TGFBR3: variants seen among roughly 807,000 people sequenced by gnomAD.
TGFBR3 encodes the protein transforming growth factor beta receptor type 3.
TGFBR3 carries 46 observed loss-of-function variants against 87.9 expected under a neutral mutation model. The ratio of observed to expected loss-of-function variants is 0.52; its 90% CI spans 0.41 to 0.67. The LOEUF (loss-of-function observed/expected upper bound fraction) is 0.67. Ranked by LOEUF, TGFBR3 falls within the 30% of genes least tolerant of loss-of-function variation. The pLI is 0.00. For missense variants in TGFBR3, 866 were observed against 1,041.9 expected (o/e 0.83, Z 2.32); for synonymous variants, 381 against 391.6 (o/e 0.97, Z 0.32).
intron 16 of TGFBR3, among the ~76,000 whole-genome samples, chr1:91,688,060 A>T (rs1671148602): frequency 6.6e-6 from 1 of 152,088 alleles, no homozygotes; most frequent in Admixed American, 6.5e-5. Context: ...ATCATTTTCA[A>T]ATTTCATTCC....
intron 3 of TGFBR3, among the ~76,000 whole-genome samples, chr1:91,775,137 T>C (rs767695138): frequency 2.4e-4 from 36 of 152,204 alleles, no homozygotes; most frequent in Non-Finnish European, 3.8e-4. Flanking sequence ...CCCTTGCCAG[T>C]GGAACTATTC....
Position 91,715,093 on chromosome 1 carries a change from C to G in TGFBR3, c.1866+1143G>C, listed in dbSNP as rs115763482. On this transcript the variant is annotated intron_variant, in intron 12 of 16. Coordinates refer to ENST00000212355, the MANE Select transcript of TGFBR3 (RefSeq NM_003243.5). ...TCCCACTATGAAGCTGAGCTTGCAG[C>G]TGAGCACCAAAACCAGCTCATTAGA... 3.1e-3 allele frequency among the ~76,000 whole-genome samples: 465 copies of G among 152,292 alleles called. 1 individual carries two copies. The highest frequency in any genetic ancestry group is 0.011 in the African/African-American group (445 of 41,552).
intron 6 of TGFBR3, among the ~76,000 whole-genome samples, chr1:91,728,811 G>C (rs1184671338): frequency 6.6e-6 from 1 of 152,128 alleles, no homozygotes; most frequent in Non-Finnish European, 1.5e-5. Context: ...AAATTTTCAA[G>C]TCACTAGTCC....
chr1:91,817,553 G>A (rs1316467946), intron 2 of TGFBR3, among the ~76,000 whole-genome samples: 3 of 152,042 alleles, frequency 2.0e-5, no homozygotes, highest in Non-Finnish European at 4.4e-5. Context: ...TGATTTTTAG[G>A]CCAGAAAGGA....
At chr1:91,729,646 A>T (rs1162261536) in intron 6 of TGFBR3, among the ~76,000 whole-genome samples, 159 bp downstream of exon 6, 2 of 152,146 alleles carry the variant, frequency 1.3e-5, no homozygotes, top group African/African-American at 4.8e-5. Flanking sequence ...GCACACCTGA[A>T]GCATCAATGG....
At chr1:91,709,942 G>A (rs1411049920) in intron 13 of TGFBR3, among the ~76,000 whole-genome samples, 1 of 151,950 alleles carries the variant, frequency 6.6e-6, no homozygotes, top group African/African-American at 2.4e-5. Context: ...ATATATAGTA[G>A]TGACAGGGGT....
intron 14 of TGFBR3, among the ~76,000 whole-genome samples, chr1:91,703,643 G>A (rs1346982309): frequency 1.3e-5 from 2 of 152,138 alleles, no homozygotes; most frequent in Non-Finnish European, 2.9e-5. Flanking sequence ...CATCACCGAC[G>A]TGGTGTAATC....
At chr1:91,864,237 T>G (rs1237219440) in intron 1 of TGFBR3, 2 of 152,244 alleles carry the variant, frequency 1.3e-5, no homozygotes, top group Non-Finnish European at 2.9e-5. Flanking sequence ...TCTGAGGGTC[T>G]GTGCTGCGTT....
intron 14 of TGFBR3, among the ~76,000 whole-genome samples, chr1:91,699,931 A>G (rs1557663669): frequency 6.6e-6 from 1 of 152,240 alleles, no homozygotes; most frequent in South Asian, 2.1e-4. Flanking sequence ...CTATTTTTGT[A>G]TGGCCCATGA....
intron 3 of TGFBR3, among the ~76,000 whole-genome samples, chr1:91,771,813 A>G (rs1213516542): frequency 2.0e-5 from 3 of 152,168 alleles, no homozygotes; most frequent in Non-Finnish European, 4.4e-5. Context: ...ACCACTAAGT[A>G]ATGAAAGGAC....
At chr1:91,826,328 T>C (rs983947925) in intron 2 of TGFBR3, among the ~76,000 whole-genome samples, 13 of 152,196 alleles carry the variant, frequency 8.5e-5, no homozygotes, top group African/African-American at 2.9e-4. Flanking sequence ...GTTATGGTCC[T>C]GTTAGATGTG....
At chr1:91,905,119 T>G (rs986624779) in intron 1 of TGFBR3, among the ~76,000 whole-genome samples, 31 of 152,346 alleles carry the variant, frequency 2.0e-4, no homozygotes, top group African/African-American at 7.2e-4. Context: ...CAATATGTTG[T>G]AGCTATTATT....
intron 1 of TGFBR3, among the ~76,000 whole-genome samples, chr1:91,882,508 GC>G (rs1679130796): frequency 6.6e-6 from 1 of 151,894 alleles, no homozygotes; most frequent in Non-Finnish European, 1.5e-5. Flanking sequence ...ACTTTGGGAG[GC>G]TGAGGTAGGC....
At chr1:91,692,914 T>C (rs1483400855) in intron 16 of TGFBR3, among the ~76,000 whole-genome samples, 1 of 152,194 alleles carries the variant, frequency 6.6e-6, no homozygotes, top group Non-Finnish European at 1.5e-5. Context: ...TTAAGGATTG[T>C]TTTTCACACA....
intron 3 of TGFBR3, among the ~76,000 whole-genome samples, chr1:91,794,745 C>T (rs1467924299): frequency 6.6e-6 from 1 of 152,160 alleles, no homozygotes; most frequent in Non-Finnish European, 1.5e-5. Flanking sequence ...TGCTCAGTAA[C>T]ACTCCATTGT....
intron 2 of TGFBR3, among the ~76,000 whole-genome samples, chr1:91,826,744 T>TA (rs5776121): frequency 0.012 from 1,641 of 139,212 alleles, 32 homozygotes; most frequent in Non-Finnish European, 0.016. Context: ...CATCCACTAT[T>TA]AAAAAAAAAA....
At chr1:91,820,725 C>G (rs1231272356) in intron 2 of TGFBR3, among the ~76,000 whole-genome samples, 1 of 152,100 alleles carries the variant, frequency 6.6e-6, no homozygotes, top group Non-Finnish European at 1.5e-5. Flanking sequence ...AAGGGTGTAT[C>G]TATATCATGA....
intron 2 of TGFBR3, among the ~76,000 whole-genome samples, chr1:91,837,221 ATTATTTAT>A (rs3039475): frequency 0.32 from 48,120 of 149,306 alleles, 7,880 homozygotes; most frequent in Non-Finnish European, 0.36. Flanking sequence ...AAGTAAGGAT[ATTATTTAT>A]TTATTTATTT....
chr1:91,800,330 ATGTG>A (rs371979320), intron 2 of TGFBR3, among the ~76,000 whole-genome samples: 48 of 136,262 alleles, frequency 3.5e-4, no homozygotes, highest in South Asian at 2.4e-3. Context: ...ATATGTGTAT[ATGTG>A]TGTGTGTGTG....
Sources: gnomAD v4.1 joint callset for allele counts (sites outside exome capture counted in the v4.1 genomes callset) on GRCh38, gnomAD v4.1.1 for gene constraint, MANE v1.5 for transcripts, NCBI Gene and HGNC (gene_info 2026-07-23, HGNC 2026-07-21) for gene names.